Variants in ADAMTS6 observed in about 807,000 individuals in gnomAD.
ADAMTS6 encodes the protein A disintegrin and metalloproteinase with thrombospondin motifs 6.
ADAMTS6 carries 23 observed loss-of-function variants against 144.3 expected under a neutral mutation model. The observed-to-expected ratio is 0.16, with a 90% CI of 0.11 to 0.23. The LOEUF is 0.23. ADAMTS6 is among the 10% of genes least tolerant of loss of function. The pLI, the probability that ADAMTS6 is intolerant of heterozygous loss-of-function variation, is 1.00. For synonymous variants in ADAMTS6, 444 were observed against 457.5 expected (o/e 0.97, Z 0.38); for missense variants, 999 against 1,379.6 (o/e 0.72, Z 4.37).
chr5:65,211,209 T>C lies in ADAMTS6; in HGVS notation c.2575+3585A>G, dbSNP rs527249181. Among the ~76,000 whole-genome samples, 7 of 152,292 alleles carry C rather than the reference T, an allele frequency of 4.6e-5. No individual in the cohort carries two copies. In the Middle Eastern group the frequency reaches 0.014, roughly 296 times the overall value. Reference sequence around the variant, plus strand: ...TGGGGTTAAAAGTGAGGGTTAAAAGTAAGCTTCTTAAGAACCTGGGGTTAA... The same window carrying C: ...TGGGGTTAAAAGTGAGGGTTAAAAGCAAGCTTCTTAAGAACCTGGGGTTAA... On this transcript the variant is annotated intron_variant, in intron 20 of 24. Coordinates refer to ENST00000381055, the MANE Select transcript of ADAMTS6 (RefSeq NM_197941.4).
At chr5:65,346,115 A>G (rs1748293479) in intron 7 of ADAMTS6, among the ~76,000 whole-genome samples, 1 of 151,956 alleles carries the variant, frequency 6.6e-6, no homozygotes, top group Non-Finnish European at 1.5e-5. Context: ...ATTGAAGAAG[A>G]GGGACTACTT....
At chr5:65,262,033 C>A (rs1424495933) in intron 13 of ADAMTS6, among the ~76,000 whole-genome samples, 1 of 151,812 alleles carries the variant, frequency 6.6e-6, no homozygotes, top group Non-Finnish European at 1.5e-5. Flanking sequence ...GCGTTCTAGA[C>A]AAAAATGGGC....
At chr5:65,269,714 A>G (rs948608820) in intron 12 of ADAMTS6, among the ~76,000 whole-genome samples, 1 of 151,942 alleles carries the variant, frequency 6.6e-6, no homozygotes, top group African/African-American at 2.4e-5. Flanking sequence ...TACCTACCTC[A>G]TATGATTTCT....
At chr5:65,161,722 T>G (rs1249918175) in intron 24 of ADAMTS6, among the ~76,000 whole-genome samples, 1 of 152,240 alleles carries the variant, frequency 6.6e-6, no homozygotes, top group East Asian at 1.9e-4. Context: ...AATTAGCTGC[T>G]GATTAAATGA....
chr5:65,255,422 A>G (rs879695414), intron 14 of ADAMTS6, among the ~76,000 whole-genome samples: 10 of 152,014 alleles, frequency 6.6e-5, no homozygotes, highest in African/African-American at 1.2e-4. Flanking sequence ...CCTTTCCCCC[A>G]AGCCCTCAAA....
At chr5:65,168,559 A>G (rs2112053368) in intron 24 of ADAMTS6, among the ~76,000 whole-genome samples, 1 of 126,754 alleles carries the variant, frequency 7.9e-6, no homozygotes, top group African/African-American at 3.0e-5. Context: ...GGAACCAAAA[A>G]AGAGCCCGCA....
intron 7 of ADAMTS6, among the ~76,000 whole-genome samples, chr5:65,352,601 G>T (rs945450794): frequency 6.6e-6 from 1 of 151,976 alleles, no homozygotes. Context: ...ATTTAGAATA[G>T]ATCAGATGAC....
chr5:65,450,552 C>T (rs1323002279), intron 7 of ADAMTS6, among the ~76,000 whole-genome samples: 1 of 152,118 alleles, frequency 6.6e-6, no homozygotes, highest in Non-Finnish European at 1.5e-5. Flanking sequence ...ATAATGCTTC[C>T]ATTTTGCTTA....
chr5:65,262,295 A>AT (rs1449426995), intron 13 of ADAMTS6, among the ~76,000 whole-genome samples: 5 of 152,234 alleles, frequency 3.3e-5, no homozygotes, highest in African/African-American at 1.2e-4. Context: ...CCGGAAGATG[A>AT]TTAATGGGGG....
chr5:65,220,470 C>T (rs1010125163), intron 18 of ADAMTS6, among the ~76,000 whole-genome samples: 3 of 152,052 alleles, frequency 2.0e-5, no homozygotes, highest in Non-Finnish European at 2.9e-5. Flanking sequence ...ATTAGCCGGG[C>T]GCAGTGGCTC....
intron 7 of ADAMTS6, among the ~76,000 whole-genome samples, chr5:65,404,185 G>C (rs931577702): frequency 6.6e-6 from 1 of 151,750 alleles, no homozygotes; most frequent in Non-Finnish European, 1.5e-5. Context: ...TAGGGTACAT[G>C]TGCACAACAT....
chr5:65,453,798 A>T (rs1444962010), intron 4 of ADAMTS6, among the ~76,000 whole-genome samples: 1 of 152,212 alleles, frequency 6.6e-6, no homozygotes, highest in Non-Finnish European at 1.5e-5. Flanking sequence ...CCCACTTATT[A>T]AAAAATTTAG....
chr5:65,470,768 A>G lies in ADAMTS6; in HGVS notation c.462+10T>C, dbSNP rs767931420. On this transcript the variant is annotated intron_variant, in intron 3 of 24. Transcript: ENST00000381055. ...CCCATCAGAAGTTTAAAATTATAGC[A>G]TCTACTTACCAACCCAACACAGTTG... 1 of 1,538,498 alleles carries G rather than the reference A, an allele frequency of 6.5e-7. No individual in the cohort carries two copies. Among genetic ancestry groups the G allele is most frequent in the Non-Finnish European group, 8.7e-7 (1 of 1,155,890 alleles).
intron 9 of ADAMTS6, among the ~76,000 whole-genome samples, chr5:65,309,299 G>A (rs1467170236): frequency 2.6e-5 from 4 of 152,064 alleles, no homozygotes; most frequent in African/African-American, 9.7e-5. Flanking sequence ...AGGGGTGATG[G>A]GAGACAGTGA....
At chr5:65,456,350 A>T (rs187714802) in intron 4 of ADAMTS6, among the ~76,000 whole-genome samples, 39 of 152,324 alleles carry the variant, frequency 2.6e-4, no homozygotes, top group Admixed American at 1.1e-3. Flanking sequence ...TCATAAACAC[A>T]TACAACACAA....
chr5:65,405,195 G>A (rs1298571328), intron 7 of ADAMTS6, among the ~76,000 whole-genome samples: 2 of 152,142 alleles, frequency 1.3e-5, no homozygotes, highest in African/African-American at 4.8e-5. Context: ...ATTGCTTTAG[G>A]TGTTTTAGAC....
chr5:65,244,240 TGG>T (rs1759443808), intron 14 of ADAMTS6, among the ~76,000 whole-genome samples: 1 of 151,924 alleles, frequency 6.6e-6, no homozygotes, highest in Admixed American at 6.6e-5. Context: ...TGGGAATGGT[TGG>T]AAAAAGGCCA....
At chr5:65,238,259 C>A (rs1033734787) in intron 15 of ADAMTS6, among the ~76,000 whole-genome samples, 2 of 152,084 alleles carry the variant, frequency 1.3e-5, no homozygotes, top group African/African-American at 4.8e-5. Context: ...AATAGATTGT[C>A]TCTATTTCAG....
intron 7 of ADAMTS6, among the ~76,000 whole-genome samples, chr5:65,427,688 C>T (rs565915609): frequency 8.6e-4 from 130 of 151,362 alleles, no homozygotes; most frequent in Admixed American, 2.3e-3. Flanking sequence ...GTCCCAGCTA[C>T]TTGGGAGGCT....
Sources: allele counts gnomAD v4.1 joint callset (sites outside exome capture counted in the v4.1 genomes callset), GRCh38; gene constraint gnomAD v4.1.1; transcripts MANE v1.5; gene names NCBI Gene and HGNC (gene_info 2026-07-23, HGNC 2026-07-21).